OLFM3: variants seen among roughly 807,000 people sequenced by gnomAD.
OLFM3 encodes the protein olfactomedin 3.
OLFM3 carries 20 observed loss-of-function variants against 48.6 expected under a neutral mutation model. The ratio of observed to expected loss-of-function variants is 0.41; its 90% CI spans 0.29 to 0.60. OLFM3 has a LOEUF of 0.60. Ranked by LOEUF, OLFM3 falls within the 20% of genes least tolerant of loss-of-function variation. OLFM3 has a pLI of 0.28. For missense variants in OLFM3, 437 were observed against 544.3 expected (o/e 0.80, Z 1.96); for synonymous variants, 222 against 198.1 (o/e 1.12, Z -1.01).
intron 1 of OLFM3, among the ~76,000 whole-genome samples, chr1:101,979,829 C>T (rs141168376): frequency 0.016 from 2,436 of 152,312 alleles, 56 homozygotes; most frequent in African/African-American, 0.056. Flanking sequence ...GTACTGTGCA[C>T]CTGGAAAAGC....
intron 1 of OLFM3, among the ~76,000 whole-genome samples, chr1:101,934,211 T>C (rs1659542108): frequency 6.6e-6 from 1 of 152,166 alleles, no homozygotes; most frequent in African/African-American, 2.4e-5. Flanking sequence ...TCTGCTGTCT[T>C]CAAGAGACAC....
rs759749161 is a variant in OLFM3 at position 101,815,315 on chromosome 1, C to T, written c.593-9133G>A. Among the ~76,000 whole-genome samples the T allele has an allele frequency of 5.9e-5, 9 of 151,700 alleles. No homozygotes were observed. The East Asian group carries it at 9.7e-4, about 16-fold the overall frequency. ...CAAAAAAAATAGCCGGGCGTAGTGG[C>T]GGGCACCTGTAGTCCCAGCTACTCA... is the stretch of plus-strand genomic sequence containing the variant. On this transcript the variant is annotated intron_variant, in intron 4 of 5. Transcript: ENST00000370103.
chr1:101,901,511 T>C (rs924893241), intron 1 of OLFM3, among the ~76,000 whole-genome samples: 1 of 151,800 alleles, frequency 6.6e-6, no homozygotes, highest in Non-Finnish European at 1.5e-5. Flanking sequence ...CTTAAATGAG[T>C]CTGAAAGTTT....
In OLFM3 at chr1:101,806,127, G is replaced by A. The variant is rs758026066; in HGVS notation, c.648C>T (p.Thr216=). 6.2e-7 allele frequency: 1 copy of A among 1,612,050 alleles called. No homozygotes were observed. The highest frequency in any genetic ancestry group is 1.1e-5 in the South Asian group (1 of 91,024). Residue 216 remains threonine (T), a synonymous_variant, in exon 5 of 6, where the codon ACC becomes ACT. Transcript: ENST00000370103. ...GGTCTGTCATCCAAGCACCAAATCG[G>A]GTTCCAGATGTCTTGACTGTAACTG... ...TGPVTVKTSG[T]RFGAWMTDPL...
At chr1:101,820,401 A>C (rs184151987) in intron 4 of OLFM3, among the ~76,000 whole-genome samples, 73 of 152,168 alleles carry the variant, frequency 4.8e-4, no homozygotes, top group South Asian at 1.9e-3. Context: ...GTGTGTACAA[A>C]CTTCAATCAT....
At position 101,808,098 on chromosome 1, in the gene OLFM3, T is replaced by C. The variant is rs189232296; in HGVS notation, c.593-1916A>G. On this transcript the variant is annotated intron_variant, in intron 4 of 5. Coordinates refer to ENST00000370103, the MANE Select transcript of OLFM3 (RefSeq NM_058170.4). Reference sequence around the variant, plus strand: ...TCAAGTGTAAGTAGAGTGTAACAAATAGAAGGGCCTCTCTTTTCCCCTAAA... The same window carrying C: ...TCAAGTGTAAGTAGAGTGTAACAAACAGAAGGGCCTCTCTTTTCCCCTAAA... 2.0e-3 allele frequency among the ~76,000 whole-genome samples: 301 copies of C among 149,988 alleles called. 1 individual carries two copies. Among genetic ancestry groups the C allele is most frequent in the Non-Finnish European group, 2.8e-3 (190 of 67,344 alleles).
At chr1:101,817,442 A>G (rs1264561346) in intron 4 of OLFM3, among the ~76,000 whole-genome samples, 1 of 152,164 alleles carries the variant, frequency 6.6e-6, no homozygotes, top group Non-Finnish European at 1.5e-5. Context: ...AGTGACCGTG[A>G]CCATTTTATT....
intron 1 of OLFM3, among the ~76,000 whole-genome samples, chr1:101,957,678 A>G (rs921580642): frequency 7.2e-5 from 11 of 152,008 alleles, no homozygotes; most frequent in African/African-American, 2.4e-4. Context: ...TAAAGACTAG[A>G]TGTTACATAA....
At chr1:101,983,164 T>G (rs1249783144) in intron 1 of OLFM3, among the ~76,000 whole-genome samples, 1 of 152,224 alleles carries the variant, frequency 6.6e-6, no homozygotes, top group Non-Finnish European at 1.5e-5. Context: ...GCATCTCACA[T>G]AATTAAGGAT....
intron 4 of OLFM3, among the ~76,000 whole-genome samples, chr1:101,817,030 G>A (rs1014201920): frequency 1.3e-5 from 2 of 152,122 alleles, no homozygotes; most frequent in African/African-American, 4.8e-5. Flanking sequence ...TTAGTGTTAA[G>A]TAACATAGGT....
chr1:101,860,355 G>C (rs557197553), intron 1 of OLFM3, among the ~76,000 whole-genome samples: 3 of 151,980 alleles, frequency 2.0e-5, no homozygotes, highest in Admixed American at 6.6e-5. Flanking sequence ...TTGCAACTGC[G>C]TGTTAACTCA....
chr1:101,808,569 C>T (rs1008401142), intron 4 of OLFM3, among the ~76,000 whole-genome samples: 28 of 151,700 alleles, frequency 1.8e-4, no homozygotes, highest in African/African-American at 6.8e-4. Flanking sequence ...TCTGTAGATG[C>T]GGGACTGCAG....
At chr1:101,970,321 C>A (rs1660746190) in intron 1 of OLFM3, among the ~76,000 whole-genome samples, 3 of 152,138 alleles carry the variant, frequency 2.0e-5, no homozygotes, top group Admixed American at 6.5e-5. Flanking sequence ...CAGCCTTTTT[C>A]TTTTCACTTT....
At chr1:101,885,500 C>A (rs1657717198) in intron 1 of OLFM3, among the ~76,000 whole-genome samples, 2 of 151,948 alleles carry the variant, frequency 1.3e-5, no homozygotes, top group Non-Finnish European at 2.9e-5. Context: ...ATGGAGAGTG[C>A]CTGCCTCTCC....
At chr1:101,866,070 A>C (rs1656844948) in intron 1 of OLFM3, among the ~76,000 whole-genome samples, 1 of 152,222 alleles carries the variant, frequency 6.6e-6, no homozygotes, top group African/African-American at 2.4e-5. Context: ...TATGTAGAGC[A>C]CTAATGACCA....
Position 101,996,887 on chromosome 1 carries a change from C to G in OLFM3, c.-71G>C. The G allele has an allele frequency of 1.3e-6, 2 of 1,507,136 alleles. No individual in the cohort carries two copies. The highest frequency in any genetic ancestry group is 1.8e-6 in the Non-Finnish European group (2 of 1,092,328). The allele number at this position is 1,507,136 out of a possible 1,614,324, so 93.4% of individuals were successfully genotyped here. ...CTCCACTCACTGCAGAGACCTTTCCCTCGTCAGTTGCACTTTCTGCCTGCC... is the reference window on the plus strand; with the variant it reads ...CTCCACTCACTGCAGAGACCTTTCCGTCGTCAGTTGCACTTTCTGCCTGCC... On this transcript the variant is annotated 5_prime_UTR_variant, in exon 1 of 6. Transcript: ENST00000370103.
In OLFM3 at chr1:101,974,166, A is replaced by C. The variant is rs546131098; in HGVS notation, c.69+22582T>G. Among the ~76,000 whole-genome samples the C allele has an allele frequency of 2.2e-3, 338 of 152,244 alleles. 2 individuals are homozygous for C. The highest frequency in any genetic ancestry group is 3.9e-3 in the Non-Finnish European group (262 of 67,996). ...CTGGATCACGGTGGATGCTAAAAAA[A>C]AAAAATGACAAATTTAACAACTATT... On this transcript the variant is annotated intron_variant, in intron 1 of 5. Coordinates refer to ENST00000370103, the MANE Select transcript of OLFM3 (RefSeq NM_058170.4).
At chr1:101,948,373 C>T (rs1660021983) in intron 1 of OLFM3, among the ~76,000 whole-genome samples, 1 of 151,706 alleles carries the variant, frequency 6.6e-6, no homozygotes, top group African/African-American at 2.4e-5. Context: ...CCTTTTCTTA[C>T]CAAATCAATT....
intron 4 of OLFM3, among the ~76,000 whole-genome samples, chr1:101,811,354 T>G (rs533837743): frequency 3.3e-5 from 5 of 152,166 alleles, no homozygotes; most frequent in African/African-American, 1.2e-4. Flanking sequence ...CTAATTAAAC[T>G]AAAGAGCTTC....
Sources: gnomAD v4.1 joint callset for allele counts (sites outside exome capture counted in the v4.1 genomes callset) on GRCh38, gnomAD v4.1.1 for gene constraint, MANE v1.5 for transcripts, NCBI Gene and HGNC (gene_info 2026-07-23, HGNC 2026-07-21) for gene names.